Variants in POU2F3 observed in about 807,000 individuals in gnomAD.
POU2F3 encodes POU class 2 homeobox 3, also known as POU domain, class 2, transcription factor 3.
POU2F3 carries 23 observed loss-of-function variants against 59.2 expected under a neutral mutation model. That is an observed-to-expected ratio of 0.39 (90% CI 0.28 to 0.55). The LOEUF is 0.55. Among genes scored for constraint, POU2F3 ranks in the 20% least tolerant of loss-of-function variants. The pLI, the probability that POU2F3 is intolerant of heterozygous loss-of-function variation, is 0.66. For missense variants in POU2F3, 473 were observed against 544.5 expected, an observed-to-expected ratio of 0.87 and a Z score of 1.31; for synonymous variants, 190 against 214.6, an observed-to-expected ratio of 0.89 and a Z score of 1.00.
chr11:120,296,546 C>T (rs1941197683), intron 3 of POU2F3, among the ~76,000 whole-genome samples: 1 of 152,270 alleles, frequency 6.6e-6, no homozygotes, highest in Non-Finnish European at 1.5e-5. Context: ...CTGATCCTCT[C>T]CCTCCTCTCA....
At chr11:120,253,600 G>C (rs575910619) in intron 2 of POU2F3, 3 of 152,318 alleles carry the variant, frequency 2.0e-5, no homozygotes, top group African/African-American at 7.2e-5. Flanking sequence ...TCCGTAGCTG[G>C]TCCTGGACCT....
intron 3 of POU2F3, among the ~76,000 whole-genome samples, chr11:120,280,879 A>G (rs1940538081): frequency 6.6e-6 from 1 of 152,106 alleles, no homozygotes; most frequent in Non-Finnish European, 1.5e-5. Context: ...TTCCCACCCA[A>G]AGAGGGTTCC....
chr11:120,290,234 G>C (rs1276596844), intron 3 of POU2F3, among the ~76,000 whole-genome samples: 1 of 152,214 alleles, frequency 6.6e-6, no homozygotes, highest in Non-Finnish European at 1.5e-5. Flanking sequence ...TCAGAGGCAA[G>C]CTTCCAAATC....
chr11:120,299,641 T>A lies in POU2F3; in HGVS notation c.276T>A (p.His92Gln). ...ASPCQDMASL[H>Q]PLQQLVLVPG... ...GTGTGTAGGACATGGCTTCCCTCCA[T>A]CCGCTCCAGCAGCTTGTGCTGGTTC... Residue 92 changes from histidine (H) to glutamine (Q), a missense_variant, in exon 5 of 13, where the codon CAT becomes CAA. By Grantham distance (24) the His-to-Gln change is conservative. Transcript: ENST00000543440. 1 of 1,613,832 alleles carries A rather than the reference T, an allele frequency of 6.2e-7. No homozygotes were observed. The highest frequency in any genetic ancestry group is 8.5e-7 in the Non-Finnish European group (1 of 1,179,928).
intron 3 of POU2F3, among the ~76,000 whole-genome samples, chr11:120,284,594 A>G (rs4245211): frequency 0.36 from 54,800 of 152,010 alleles, 11,360 homozygotes; most frequent in East Asian, 0.86. Flanking sequence ...TTGTAGTTAG[A>G]TCAGCTAATT....
At chr11:120,240,103 C>A (rs992517085), upstream of POU2F3, 6 of 1,144,088 alleles carry the variant, frequency 5.2e-6, no homozygotes, top group Middle Eastern at 3.7e-4. Context: ...GGGGCGTGGC[C>A]GGCGGCCCCC....
chr11:120,258,771 T>C (rs780777355), intron 2 of POU2F3: 3 of 152,202 alleles, frequency 2.0e-5, no homozygotes, highest in Non-Finnish European at 4.4e-5. Flanking sequence ...CCTGGTGCCG[T>C]CTGCTCAGGG....
At chr11:120,246,548 G>A (rs1591371825) in intron 2 of POU2F3, 31 bp downstream of exon 2, 2 of 1,606,456 alleles carry the variant, frequency 1.2e-6, no homozygotes, top group Non-Finnish European at 1.7e-6. Flanking sequence ...GGGATGGAGG[G>A]GGTGGGGGGA....
intron 6 of POU2F3, chr11:120,303,963 G>T (rs1160278770): frequency 6.6e-6 from 1 of 152,146 alleles, no homozygotes; most frequent in Non-Finnish European, 1.5e-5. Context: ...CCTTAAGATC[G>T]GATTCATTCC....
chr11:120,252,982 G>C (rs937969810), intron 2 of POU2F3, among the ~76,000 whole-genome samples: 1 of 152,166 alleles, frequency 6.6e-6, no homozygotes, highest in Non-Finnish European at 1.5e-5. Flanking sequence ...GAAAAAGGAG[G>C]GGGAGCCTGG....
intron 3 of POU2F3, among the ~76,000 whole-genome samples, chr11:120,272,260 A>G (rs1431250996): frequency 6.6e-6 from 1 of 152,128 alleles, no homozygotes; most frequent in East Asian, 1.9e-4. Context: ...AACCTGATGA[A>G]GTTCACACAA....
chr11:120,307,689 C>T, intron 9 of POU2F3, 74 bp downstream of exon 9: 3 of 1,579,406 alleles, frequency 1.9e-6, no homozygotes, highest in Non-Finnish European at 2.6e-6. Flanking sequence ...GCCCAGGCCC[C>T]TTGGCACCAG....
intron 3 of POU2F3, among the ~76,000 whole-genome samples, chr11:120,284,041 C>T (rs966762472): frequency 6.6e-6 from 1 of 151,852 alleles, no homozygotes; most frequent in African/African-American, 2.4e-5. Flanking sequence ...TAGTGGGGCA[C>T]GGTGGTGCGC....
intron 3 of POU2F3, among the ~76,000 whole-genome samples, chr11:120,288,128 C>CAAAAAAAAAAAAAAAAAAAAACAAAAAAA: frequency 4.7e-5 from 3 of 63,334 alleles, no homozygotes; most frequent in African/African-American, 6.9e-5. Context: ...ACAAAAAAAC[C>CAAAAAAAAAAAAAAAAAAAAACAAAAAAA]AAAAAAAAAA....
Position 120,302,375 on chromosome 11 carries a change from A to G in POU2F3, c.444+7A>G. ...GCCGGGACTGGCATCCCAGGTAAAC[A>G]ACCCCATTCTTCCTGTTTCCTCTAG... On this transcript the variant is annotated splice_region_variant and intron_variant, in intron 6 of 12. Transcript: ENST00000543440. 1.3e-6 allele frequency: 2 copies of G among 1,583,730 alleles called. No homozygotes were observed. The highest frequency in any genetic ancestry group is 1.7e-6 in the Non-Finnish European group (2 of 1,152,618).
rs191778831 is a variant in POU2F3, at chr11:120,264,826, C to T, written c.98-4384C>T. Among the ~76,000 whole-genome samples, 400 of 152,358 alleles carry T rather than the reference C, an allele frequency of 2.6e-3. 3 individuals carry two copies. Among genetic ancestry groups the T allele is most frequent in the African/African-American group, 9.2e-3 (383 of 41,582 alleles). ...GACTCTTTCTAAGCATACCCTGCTG[C>T]TCCTCCACACAGCATCTTACAGGAG... is the stretch of plus-strand genomic sequence containing the variant. On this transcript the variant is annotated intron_variant, in intron 2 of 12. Transcript: ENST00000543440.
chr11:120,265,131 C>T (rs570141182), intron 2 of POU2F3, among the ~76,000 whole-genome samples: 15 of 152,262 alleles, frequency 9.9e-5, no homozygotes, highest in Admixed American at 7.2e-4. Context: ...CCAGTGACCA[C>T]GGAAGGAAAG....
intron 2 of POU2F3, among the ~76,000 whole-genome samples, chr11:120,262,215 A>G (rs1051788569): frequency 2.6e-5 from 4 of 152,246 alleles, no homozygotes; most frequent in African/African-American, 9.6e-5. Context: ...CATACAGAAA[A>G]AGGAAAAGAA....
At chr11:120,296,303 T>A (rs950001126) in intron 3 of POU2F3, among the ~76,000 whole-genome samples, 5 of 152,262 alleles carry the variant, frequency 3.3e-5, no homozygotes. Flanking sequence ...GTTTTCACTA[T>A]GTGAAAGGCA....
Sources: allele counts gnomAD v4.1 joint callset (sites outside exome capture counted in the v4.1 genomes callset), GRCh38; gene constraint gnomAD v4.1.1; transcripts MANE v1.5; gene names NCBI Gene and HGNC (gene_info 2026-07-23, HGNC 2026-07-21).